Variants in TLL2 observed in about 807,000 individuals in gnomAD.
TLL2 encodes the protein tolloid like 2, also known as tolloid-like protein 2.
In TLL2, 106 loss-of-function variants were observed where a neutral mutation model predicts 123.0. The ratio of observed to expected loss-of-function variants is 0.86; its 90% CI spans 0.74 to 1.01. TLL2 has a LOEUF of 1.01. TLL2 is among the 50% of genes least tolerant of loss of function. The pLI is 0.00. For missense variants in TLL2, 1,332 were observed against 1,336.7 expected, an observed-to-expected ratio of 1.00 and a Z score of 0.06; for synonymous variants, 494 against 516.8, an observed-to-expected ratio of 0.96 and a Z score of 0.60.
chr10:96,409,868 G>A (rs1024171525), intron 9 of TLL2, among the ~76,000 whole-genome samples: 1 of 152,210 alleles, frequency 6.6e-6, no homozygotes, highest in Non-Finnish European at 1.5e-5. Context: ...TGCCTGGCCA[G>A]TCCATCCCGC....
intron 3 of TLL2, among the ~76,000 whole-genome samples, chr10:96,433,667 T>C (rs1846766464): frequency 6.6e-6 from 1 of 152,240 alleles, no homozygotes; most frequent in Admixed American, 6.5e-5. Flanking sequence ...TTGTTTTCAG[T>C]TGGCTTGCTT....
chr10:96,476,879 C>CACAG (rs1847261568), intron 2 of TLL2, among the ~76,000 whole-genome samples: 1 of 149,166 alleles, frequency 6.7e-6, no homozygotes, highest in African/African-American at 2.5e-5. Context: ...CACACACACA[C>CACAG]ACACACACAC....
At chr10:96,397,113 GGGACAGTGGGCTGCCTGGGAA>G in intron 11 of TLL2, 52 bp downstream of exon 11, 1 of 1,373,424 alleles carries the variant, frequency 7.3e-7, no homozygotes, top group South Asian at 1.3e-5. Context: ...GGCTGGGAGA[GGGACAGTGGGCTGCCTGGGAA>G]GGACAGAGCT....
intron 2 of TLL2, among the ~76,000 whole-genome samples, chr10:96,450,456 GA>G (rs1182548650): frequency 6.6e-6 from 1 of 152,130 alleles, no homozygotes; most frequent in African/African-American, 2.4e-5. Flanking sequence ...GGAGTTTAAA[GA>G]GTTCCCCAGG....
At chr10:96,471,538 C>T (rs928074447) in intron 2 of TLL2, among the ~76,000 whole-genome samples, 2 of 152,204 alleles carry the variant, frequency 1.3e-5, no homozygotes, top group Non-Finnish European at 2.9e-5. Context: ...AGAGAGCCAG[C>T]AAAGGGCCAA....
At chr10:96,435,879 T>G (rs1476575801) in intron 3 of TLL2, among the ~76,000 whole-genome samples, 1 of 152,244 alleles carries the variant, frequency 6.6e-6, no homozygotes, top group Non-Finnish European at 1.5e-5. Flanking sequence ...TTTTCCTGTG[T>G]CTCACATTTT....
At position 96,366,571 on chromosome 10, in the gene TLL2, A is replaced by C. The variant is rs1233467373; in HGVS notation, c.*1517T>G. On this transcript the variant is annotated 3_prime_UTR_variant, in exon 21 of 21. Coordinates refer to ENST00000357947, the MANE Select transcript of TLL2 (RefSeq NM_012465.4). The stretch of plus-strand genomic sequence containing the variant: ...AGTTTTTGCTCCCAGCAATCACTTT[A>C]ATGAGACACAGTCCTCTGGTGCCAC... 1 of 152,594 alleles carries C rather than the reference A, an allele frequency of 6.6e-6. No homozygotes were observed. The highest frequency in any genetic ancestry group is 1.5e-5 in the Non-Finnish European group (1 of 68,036). 9.5% of individuals were successfully genotyped at this position (152,594 alleles called of 1,614,324 possible). A position where few individuals can be genotyped will look rare whatever the true frequency, so the allele number is the denominator to read the frequency against.
intron 3 of TLL2, among the ~76,000 whole-genome samples, chr10:96,438,905 C>G (rs1377261087): frequency 6.6e-6 from 1 of 151,938 alleles, no homozygotes; most frequent in Non-Finnish European, 1.5e-5. Flanking sequence ...TCATCAATTG[C>G]TGTGATAATA....
chr10:96,394,060 G>A (rs867469972), intron 13 of TLL2, among the ~76,000 whole-genome samples: 10 of 152,198 alleles, frequency 6.6e-5, no homozygotes, highest in African/African-American at 2.4e-4. Context: ...GGGTTCTTTT[G>A]ACACCCAGGC....
At chr10:96,471,012 A>AG (rs1391430215) in intron 2 of TLL2, among the ~76,000 whole-genome samples, 1 of 151,374 alleles carries the variant, frequency 6.6e-6, no homozygotes, top group Non-Finnish European at 1.5e-5. Context: ...TTTTTTTTTG[A>AG]GGGGGGAGAC....
chr10:96,400,474 C>T (rs1846382718), intron 10 of TLL2, among the ~76,000 whole-genome samples: 1 of 152,098 alleles, frequency 6.6e-6, no homozygotes, highest in Non-Finnish European at 1.5e-5. Context: ...AGATGTCATC[C>T]CCATTTCCCA....
At position 96,421,070 on chromosome 10, in the gene TLL2, C is replaced by T. The variant is rs1190663859; in HGVS notation, c.818-9G>A. ...GAAATTATACTCCTGACCTGTGACACAACACTGTGTTAAGCCCTTTGAAAA... is the reference window on the plus strand; with the variant it reads ...GAAATTATACTCCTGACCTGTGACATAACACTGTGTTAAGCCCTTTGAAAA... On this transcript the variant is annotated splice_polypyrimidine_tract_variant and intron_variant, in intron 6 of 20. Coordinates refer to ENST00000357947, the MANE Select transcript of TLL2 (RefSeq NM_012465.4). 2 of 1,610,684 alleles carry T rather than the reference C, an allele frequency of 1.2e-6. No homozygotes were observed. The highest frequency in any genetic ancestry group is 2.2e-5 in the South Asian group (2 of 91,018).
chr10:96,380,438 G>A (rs911683885), intron 16 of TLL2, among the ~76,000 whole-genome samples: 1 of 152,002 alleles, frequency 6.6e-6, no homozygotes, highest in Non-Finnish European at 1.5e-5. Context: ...CTTTGCTTTG[G>A]GAGGCCAAGG....
At chr10:96,445,121 G>A (rs931199797) in intron 3 of TLL2, among the ~76,000 whole-genome samples, 6 of 152,266 alleles carry the variant, frequency 3.9e-5, no homozygotes, top group East Asian at 1.9e-4. Context: ...CCCAGGAGGC[G>A]GAGCTTGCAG....
intron 20 of TLL2, among the ~76,000 whole-genome samples, chr10:96,369,509 C>T (rs1396124560): frequency 6.6e-6 from 1 of 152,048 alleles, no homozygotes; most frequent in East Asian, 1.9e-4. Context: ...GCCTGTAGTC[C>T]CAGCACTTTG....
intron 13 of TLL2, among the ~76,000 whole-genome samples, chr10:96,392,375 T>C (rs1241899187): frequency 6.6e-6 from 1 of 152,106 alleles, no homozygotes; most frequent in Non-Finnish European, 1.5e-5. Context: ...CTCAGCACAG[T>C]ATGTGATATT....
chr10:96,513,570 AGCT>A lies in TLL2; in HGVS notation c.113_115del (p.Glu38_Leu39delinsVal), dbSNP rs1564923113. ...CTGCTCCGTGCCCTCCTCGCCGTCC[AGCT>A]CTGAGTAGTCTGCGGTGGCGTCCGG... On this transcript the variant is annotated inframe_deletion, in exon 1 of 21. Coordinates refer to ENST00000357947, the MANE Select transcript of TLL2 (RefSeq NM_012465.4). The A allele has an allele frequency of 1.2e-6, 2 of 1,610,944 alleles. No individual in the cohort carries two copies. The highest frequency in any genetic ancestry group is 2.2e-5 in the South Asian group (2 of 91,060).
intron 1 of TLL2, among the ~76,000 whole-genome samples, chr10:96,492,660 T>G (rs889883054): frequency 1.3e-5 from 2 of 152,022 alleles, no homozygotes; most frequent in African/African-American, 2.4e-5. Context: ...CTTATCCAAT[T>G]CTCCCCAAAG....
At chr10:96,379,833 CA>C (rs1297726897) in intron 16 of TLL2, among the ~76,000 whole-genome samples, 2 of 152,154 alleles carry the variant, frequency 1.3e-5, no homozygotes, top group African/African-American at 2.4e-5. Flanking sequence ...AAAAACAAAA[CA>C]AAACAAAAAC....
Sources: gnomAD v4.1 joint callset for allele counts (sites outside exome capture counted in the v4.1 genomes callset) on GRCh38, gnomAD v4.1.1 for gene constraint, MANE v1.5 for transcripts, NCBI Gene and HGNC (gene_info 2026-07-23, HGNC 2026-07-21) for gene names.